The following SATB2 variants were observed in gnomAD, a reference collection of about 807,000 sequenced individuals.
The protein encoded by SATB2 is DNA-binding protein SATB2.
SATB2 carries 1 observed loss-of-function variant against 73.4 expected under a neutral mutation model. The ratio of observed to expected loss-of-function variants is 0.01; its 90% CI spans 0.00 to 0.06. The LOEUF is 0.06. Ranked by LOEUF, SATB2 falls within the 10% of genes least tolerant of loss-of-function variation. The pLI is 1.00. For synonymous variants in SATB2, 397 were observed against 367.0 expected, an observed-to-expected ratio of 1.08 and a Z score of -0.93; for missense variants, 459 against 945.8, an observed-to-expected ratio of 0.49 and a Z score of 6.75.
In SATB2 at chr2:199,463,369, G is replaced by A. The variant is rs1185157180; in HGVS notation, c.-141+1467C>T. Reference sequence around the variant, plus strand: ...GCGTCCCCGCCCCCAGCTCGGAGCTGCCGGGGTTGGGGCCCCGGGTGGCGC... The same window carrying A: ...GCGTCCCCGCCCCCAGCTCGGAGCTACCGGGGTTGGGGCCCCGGGTGGCGC... On this transcript the variant is annotated intron_variant, in intron 1 of 11. Coordinates refer to the SATB2 transcript ENST00000260926. The surrounding 1 kb of genome is among the most constrained non-coding windows in gnomAD (Gnocchi z 6.4). Among the ~76,000 whole-genome samples, 1 of 152,204 alleles carries A rather than the reference G, an allele frequency of 6.6e-6. No individual in the cohort carries two copies. Among genetic ancestry groups the A allele is most frequent in the African/African-American group, 2.4e-5 (1 of 41,460 alleles).
chr2:199,405,180 A>G (rs182932909), intron 3 of SATB2, among the ~76,000 whole-genome samples: 4 of 152,320 alleles, frequency 2.6e-5, no homozygotes, highest in African/African-American at 7.2e-5. Flanking sequence ...GTGTGAGCCC[A>G]TAAAATTATG....
At chr2:199,297,248 T>C (rs1687136304) in intron 10 of SATB2, among the ~76,000 whole-genome samples, 1 of 152,262 alleles carries the variant, frequency 6.6e-6, no homozygotes, top group South Asian at 2.1e-4. Flanking sequence ...ATAGTTAAAA[T>C]AGTAAAATTT....
chr2:199,316,806 T>C (rs1687748274), intron 9 of SATB2, among the ~76,000 whole-genome samples: 1 of 152,052 alleles, frequency 6.6e-6, no homozygotes, highest in South Asian at 2.1e-4. Context: ...CATGCATACA[T>C]GGGTACATGC....
upstream of SATB2, chr2:199,458,860 G>T: frequency 1.0e-5 from 3 of 300,102 alleles, no homozygotes; most frequent in South Asian, 4.8e-5. Flanking sequence ...GGCCCGCCGC[G>T]CTTCGTGCCG....
chr2:199,442,419 C>T (rs1691846156), intron 2 of SATB2, among the ~76,000 whole-genome samples: 1 of 152,218 alleles, frequency 6.6e-6, no homozygotes, highest in African/African-American at 2.4e-5. Context: ...AACAAAGTGG[C>T]ATGCTGCACC....
chr2:199,319,639 C>T (rs1414457728), intron 9 of SATB2, among the ~76,000 whole-genome samples: 2 of 152,008 alleles, frequency 1.3e-5, no homozygotes, highest in Admixed American at 6.6e-5. Context: ...AAATAAGCCC[C>T]TTTCCATTTC....
chr2:199,435,330 GAAT>G (rs2105931072), intron 2 of SATB2, among the ~76,000 whole-genome samples: 1 of 151,646 alleles, frequency 6.6e-6, no homozygotes, highest in African/African-American at 2.4e-5. Flanking sequence ...GACATGTAGC[GAAT>G]AATATAAATT....
chr2:199,404,260 C>T (rs918823439), intron 3 of SATB2, among the ~76,000 whole-genome samples: 1 of 152,260 alleles, frequency 6.6e-6, no homozygotes, highest in African/African-American at 2.4e-5. Context: ...TCCTGACTCC[C>T]GATGTGGACC....
chr2:199,434,675 G>A (rs919583693), intron 2 of SATB2, among the ~76,000 whole-genome samples: 2 of 152,106 alleles, frequency 1.3e-5, no homozygotes, highest in Non-Finnish European at 2.9e-5. Context: ...CATGGTGAAG[G>A]TACTTCACAA....
chr2:199,387,456 C>A (rs1261274504), intron 3 of SATB2, among the ~76,000 whole-genome samples: 1 of 152,168 alleles, frequency 6.6e-6, no homozygotes, highest in Non-Finnish European at 1.5e-5. Context: ...CTTGGGACTT[C>A]TCTGGAAAAA....
rs1243560665 is a variant in SATB2 at position 199,455,595 on chromosome 2, CAGTT to C, written c.169+270_169+273del. On this transcript the variant is annotated intron_variant, in intron 2 of 10. Coordinates refer to ENST00000417098, the MANE Select transcript of SATB2 (RefSeq NM_001172509.2). This position sits in a 1 kb window ranked among gnomAD's most constrained non-coding sequence, Gnocchi z 4.1. ...AAAGCTCTCTAGGAAAATCTAGAAA[CAGTT>C]AGCTGGCTGTGACATAAACCTGCCA... Among the ~76,000 whole-genome samples, 14 of 152,228 alleles carry C rather than the reference CAGTT, an allele frequency of 9.2e-5. No individual in the cohort carries two copies. Among genetic ancestry groups the C allele is most frequent in the African/African-American group, 3.4e-4 (14 of 41,452 alleles).
chr2:199,426,840 T>A (rs113384918), intron 3 of SATB2, among the ~76,000 whole-genome samples: 1 of 152,154 alleles, frequency 6.6e-6, no homozygotes, highest in African/African-American at 2.4e-5. Flanking sequence ...ACAGAGTCTT[T>A]ATTTAGAGAC....
At chr2:199,321,047 A>G (rs1034428867) in intron 9 of SATB2, among the ~76,000 whole-genome samples, 8 of 148,500 alleles carry the variant, frequency 5.4e-5, no homozygotes, top group Admixed American at 3.4e-4. Flanking sequence ...CTCTTCAGTC[A>G]CTGCAAGAAC....
intron 7 of SATB2, among the ~76,000 whole-genome samples, chr2:199,335,545 C>T (rs1574517672): frequency 6.6e-6 from 1 of 152,264 alleles, no homozygotes; most frequent in Non-Finnish European, 1.5e-5. Flanking sequence ...CAGTAAACTC[C>T]TTGGGGGCAG....
intron 5 of SATB2, among the ~76,000 whole-genome samples, chr2:199,375,215 C>G (rs956956298): frequency 7.2e-5 from 11 of 152,106 alleles, no homozygotes; most frequent in African/African-American, 2.4e-4. Flanking sequence ...CAAATTGGAA[C>G]AGCTAAGGAC....
rs1037121896 is a variant in SATB2, at chr2:199,272,147, T to G, written c.*64A>C. 45 of 1,515,452 alleles carry G rather than the reference T, an allele frequency of 3.0e-5. No homozygotes were observed. Among genetic ancestry groups the G allele is most frequent in the African/African-American group, 5.5e-5 (4 of 72,924 alleles). 93.9% of individuals were successfully genotyped at this position (1,515,452 alleles called of 1,614,324 possible). On this transcript the variant is annotated 3_prime_UTR_variant, in exon 11 of 11. Coordinates refer to ENST00000417098, the MANE Select transcript of SATB2 (RefSeq NM_001172509.2). The surrounding 1 kb of genome is among the most constrained non-coding windows in gnomAD (Gnocchi z 6.7). ...ACAAAAAACAAACTAACAAAAAACT[T>G]TTAAAGAAATGAAAGCAGAAAATCC...
intron 2 of SATB2, among the ~76,000 whole-genome samples, chr2:199,445,039 ATCAATCTTC>A (rs1691924632): frequency 6.6e-6 from 1 of 152,210 alleles, no homozygotes; most frequent in Non-Finnish European, 1.5e-5. Context: ...CAAGCTATAC[ATCAATCTTC>A]AATATAATTA....
intron 3 of SATB2, among the ~76,000 whole-genome samples, chr2:199,391,991 A>T (rs1690156898): frequency 6.6e-6 from 1 of 152,124 alleles, no homozygotes; most frequent in Non-Finnish European, 1.5e-5. Context: ...ATTCCCAGGA[A>T]TTTGCAGATT....
chr2:199,356,266 C>G (rs1296911499), intron 6 of SATB2, among the ~76,000 whole-genome samples: 4 of 148,418 alleles, frequency 2.7e-5, no homozygotes, highest in Non-Finnish European at 4.4e-5. Flanking sequence ...GAAAAGACGA[C>G]GGCAGAATTT....
Sources: gnomAD v4.1 joint callset for allele counts (sites outside exome capture counted in the v4.1 genomes callset) on GRCh38, gnomAD v4.1.1 for gene constraint, Gnocchi (gnomAD v3.1) non-coding constraint, MANE v1.5 for transcripts, NCBI Gene and HGNC (gene_info 2026-07-23, HGNC 2026-07-21) for gene names.